Variants in ARID3B observed in about 807,000 individuals in gnomAD.
The protein encoded by ARID3B is AT-rich interactive domain-containing protein 3B.
A neutral mutation model predicts 51.9 loss-of-function variants in ARID3B; 10 were observed. The ratio of observed to expected loss-of-function variants is 0.19; its 90% CI spans 0.12 to 0.33. The LOEUF (loss-of-function observed/expected upper bound fraction) is 0.33. Ranked by LOEUF, ARID3B falls within the 10% of genes least tolerant of loss-of-function variation. The probability of loss-of-function intolerance (pLI) is 1.00; values close to 1 mark genes in which losing one functional copy is unlikely to be tolerated. For missense variants in ARID3B, 483 were observed against 716.3 expected, an observed-to-expected ratio of 0.67 and a Z score of 3.72; for synonymous variants, 205 against 279.5, an observed-to-expected ratio of 0.73 and a Z score of 2.66.
intron 2 of ARID3B, among the ~76,000 whole-genome samples, chr15:74,548,247 A>G (rs1435580441): frequency 6.6e-6 from 1 of 152,162 alleles, no homozygotes; most frequent in East Asian, 1.9e-4. Flanking sequence ...CCCCTCTGGT[A>G]GAAGGTGGTT....
chr15:74,580,412 A>G (rs565183677), intron 4 of ARID3B, among the ~76,000 whole-genome samples: 1 of 152,296 alleles, frequency 6.6e-6, no homozygotes, highest in South Asian at 2.1e-4. Flanking sequence ...TGAGGAAGAA[A>G]AGCTTGTTTT....
chr15:74,545,637 C>G (rs770953895), intron 2 of ARID3B, among the ~76,000 whole-genome samples: 1 of 152,226 alleles, frequency 6.6e-6, no homozygotes, highest in Non-Finnish European at 1.5e-5. Flanking sequence ...AGCACACACA[C>G]TTCTTGTGAT....
intron 4 of ARID3B, among the ~76,000 whole-genome samples, chr15:74,581,613 C>T (rs1180296561): frequency 1.3e-5 from 2 of 152,138 alleles, no homozygotes; most frequent in Non-Finnish European, 2.9e-5. Flanking sequence ...GGTGACCCAG[C>T]TGCTGTTAAA....
chr15:74,591,863 C>T lies in ARID3B; in HGVS notation c.1420+49C>T. On this transcript the variant is annotated intron_variant, in intron 7 of 8. Transcript: ENST00000346246. The surrounding 1 kb of genome is among the most constrained non-coding windows in gnomAD (Gnocchi z 5.8). Reference sequence around the variant, plus strand: ...CTTCCCTTCCTGGAAACCCCAAGCCCATTCACGCCTCCTGGGACTGGTGGG... The same window carrying T: ...CTTCCCTTCCTGGAAACCCCAAGCCTATTCACGCCTCCTGGGACTGGTGGG... The T allele has an allele frequency of 6.3e-7, 1 of 1,588,006 alleles. No homozygotes were observed. The highest frequency in any genetic ancestry group is 8.6e-7 in the Non-Finnish European group (1 of 1,164,370).
At chr15:74,592,666 C>T (rs1033642931) in intron 7 of ARID3B, among the ~76,000 whole-genome samples, 4 of 152,240 alleles carry the variant, frequency 2.6e-5, no homozygotes, top group East Asian at 1.9e-4. Flanking sequence ...CTTCCACAAA[C>T]GCCAGCTGCC....
At chr15:74,564,487 T>G (rs955160368) in intron 2 of ARID3B, among the ~76,000 whole-genome samples, 1 of 152,230 alleles carries the variant, frequency 6.6e-6, no homozygotes, top group Non-Finnish European at 1.5e-5. Context: ...TGTTGCTTAT[T>G]AAAAACAACA....
chr15:74,543,090 AAATT>A (rs1463694468), intron 1 of ARID3B, among the ~76,000 whole-genome samples: 1 of 152,254 alleles, frequency 6.6e-6, no homozygotes, highest in Non-Finnish European at 1.5e-5. Flanking sequence ...TATCTGTTTC[AAATT>A]AATTAACTTT....
intron 2 of ARID3B, among the ~76,000 whole-genome samples, chr15:74,556,510 A>C (rs1461979841): frequency 1.3e-5 from 2 of 152,190 alleles, no homozygotes; most frequent in Non-Finnish European, 2.9e-5. Flanking sequence ...TGCTGTTAGA[A>C]ATTAGGTGTG....
chr15:74,544,131 C>T lies in ARID3B; in HGVS notation c.195C>T (p.Pro65=), dbSNP rs746266324. The change falls in exon 2 of 9, where the codon CCC becomes CCT. Residue 65 remains proline (P), a synonymous_variant. Transcript: ENST00000346246. ...CTGGGAGACCTTCTGGCAGCACTCC[C>T]TTAGGTCCCTTAGCCAGAGTTCCAC... ...ATAGRPSGST[P]LGPLARVPPT... 4.3e-6 allele frequency: 7 copies of T among 1,613,844 alleles called. No homozygotes were observed. The highest frequency in any genetic ancestry group is 5.9e-6 in the Non-Finnish European group (7 of 1,179,858).
At chr15:74,588,984 G>A (rs1465315757) in intron 4 of ARID3B, among the ~76,000 whole-genome samples, 1 of 149,804 alleles carries the variant, frequency 6.7e-6, no homozygotes, top group African/African-American at 2.5e-5. Context: ...CCATCAAGCA[G>A]GAGAGGAGAA....
At chr15:74,572,487 G>A (rs1244094324) in intron 2 of ARID3B, among the ~76,000 whole-genome samples, 1 of 152,202 alleles carries the variant, frequency 6.6e-6, no homozygotes, top group Non-Finnish European at 1.5e-5. Context: ...CAGGAAAGTG[G>A]TGCATCTCAG....
chr15:74,572,271 G>A (rs1449022589), intron 2 of ARID3B, among the ~76,000 whole-genome samples: 1 of 152,148 alleles, frequency 6.6e-6, no homozygotes. Flanking sequence ...ATGAACTCTC[G>A]CCCTAGTGGC....
At position 74,598,077 on chromosome 15, in the gene ARID3B, A is replaced by G. The variant is rs529485212; in HGVS notation, c.*2303A>G. The G allele has an allele frequency of 1.2e-5, 6 of 519,312 alleles. No homozygotes were observed. Among genetic ancestry groups the G allele is most frequent in the African/African-American group, 9.4e-5 (5 of 53,182 alleles). The allele number at this position is 519,312 out of a possible 1,614,324, so 32.2% of individuals were successfully genotyped here. A position where few individuals can be genotyped will look rare whatever the true frequency, so the allele number is the denominator to read the frequency against. ...TGTCTATATGTTGTGGTTATTTTCTATCTTACATGTTCTCGAATGTTTATA... is the reference window on the plus strand; with the variant it reads ...TGTCTATATGTTGTGGTTATTTTCTGTCTTACATGTTCTCGAATGTTTATA... On this transcript the variant is annotated 3_prime_UTR_variant, in exon 9 of 9. Coordinates refer to ENST00000346246, the MANE Select transcript of ARID3B (RefSeq NM_006465.4).
At chr15:74,570,460 A>AG (rs2061714964) in intron 2 of ARID3B, among the ~76,000 whole-genome samples, 1 of 113,220 alleles carries the variant, frequency 8.8e-6, no homozygotes, top group Non-Finnish European at 1.8e-5. Context: ...TACTATAATT[A>AG]GCAAAAAAAA....
intron 2 of ARID3B, among the ~76,000 whole-genome samples, chr15:74,563,408 G>A (rs1373530230): frequency 6.6e-6 from 1 of 151,906 alleles, no homozygotes; most frequent in African/African-American, 2.4e-5. Context: ...AATAAAGGAG[G>A]GATTTTTTAA....
At chr15:74,566,554 G>C (rs2061699346) in intron 2 of ARID3B, among the ~76,000 whole-genome samples, 1 of 150,230 alleles carries the variant, frequency 6.7e-6, no homozygotes, top group Non-Finnish European at 1.5e-5. Context: ...AGTGAGCCCA[G>C]ATTACACCAC....
At position 74,597,342 on chromosome 15, in the gene ARID3B, C is replaced by T. The variant is rs1251613555; in HGVS notation, c.*1568C>T. 13 of 419,336 alleles carry T rather than the reference C, an allele frequency of 3.1e-5. No individual in the cohort carries two copies. Among genetic ancestry groups the T allele is most frequent in the Middle Eastern group, 6.7e-4 (1 of 1,498 alleles). The allele number at this position is 419,336 out of a possible 1,614,324, so 26.0% of individuals were successfully genotyped here. A position where few individuals can be genotyped will look rare whatever the true frequency, so the allele number is the denominator to read the frequency against. ...GGCTGTGGCAGTGGGAGACACCGCG[C>T]GTGGCGTGGGTGTGTGTGGCAGCGT... On this transcript the variant is annotated 3_prime_UTR_variant, in exon 9 of 9. Coordinates refer to ENST00000346246, the MANE Select transcript of ARID3B (RefSeq NM_006465.4).
chr15:74,555,786 C>CTTTTTTTTTT (rs869243539), intron 2 of ARID3B, among the ~76,000 whole-genome samples: 10 of 95,074 alleles, frequency 1.1e-4, no homozygotes, highest in East Asian at 3.7e-4. Context: ...AGCTGTATTT[C>CTTTTTTTTTT]TTTTTTTTTT....
chr15:74,589,391 C>T lies in ARID3B; in HGVS notation c.698-429C>T, dbSNP rs892970462. 2.6e-5 allele frequency among the ~76,000 whole-genome samples: 4 copies of T among 152,204 alleles called. No individual in the cohort carries two copies. In the East Asian group the frequency reaches 5.8e-4, roughly 22 times the overall value. On this transcript the variant is annotated intron_variant, in intron 4 of 8. Transcript: ENST00000346246. Reference sequence around the variant, plus strand: ...AGGAGGGTGACTAGGCAGGGCTCCCCTTCTAGGAAGTCAGAGAAAGGCATC... The same window carrying T: ...AGGAGGGTGACTAGGCAGGGCTCCCTTTCTAGGAAGTCAGAGAAAGGCATC...
Sources: gnomAD v4.1 joint callset for allele counts (sites outside exome capture counted in the v4.1 genomes callset) on GRCh38, gnomAD v4.1.1 for gene constraint, Gnocchi (gnomAD v3.1) non-coding constraint, MANE v1.5 for transcripts, NCBI Gene and HGNC (gene_info 2026-07-23, HGNC 2026-07-21) for gene names.